SP140L: variants seen among roughly 807,000 people sequenced by gnomAD.
SP140L encodes nuclear body protein SP140-like protein.
Under a neutral mutation model 84.3 loss-of-function variants are expected in SP140L, and 64 were observed. That is an observed-to-expected ratio of 0.76 (90% CI 0.62 to 0.94). The LOEUF (loss-of-function observed/expected upper bound fraction) is 0.94, where lower values mean the gene tolerates loss of function less well. SP140L is among the 40% of genes least tolerant of loss of function. The pLI is 0.00. For missense variants in SP140L, 628 were observed against 692.5 expected (o/e 0.91, Z 1.05); for synonymous variants, 242 against 236.9 (o/e 1.02, Z -0.20).
intron 2 of SP140L, among the ~76,000 whole-genome samples, chr2:230,330,434 C>T (rs893478536): frequency 5.9e-5 from 9 of 152,114 alleles, no homozygotes; most frequent in South Asian, 2.1e-4. Flanking sequence ...TGACATCTGA[C>T]GAGGCAAAAT....
intron 2 of SP140L, among the ~76,000 whole-genome samples, chr2:230,352,772 C>A (rs533103310): frequency 1.7e-4 from 26 of 151,922 alleles, no homozygotes; most frequent in Non-Finnish European, 3.1e-4. Context: ...TAGCCTATCG[C>A]ATTAGCTAAA....
intron 7 of SP140L, among the ~76,000 whole-genome samples, chr2:230,375,487 G>A (rs2061214765): frequency 6.6e-6 from 1 of 151,940 alleles, no homozygotes; most frequent in African/African-American, 2.4e-5. Context: ...TTCTGTAATG[G>A]CTGTACCAAT....
chr2:230,351,525 T>C (rs115174636), intron 2 of SP140L, among the ~76,000 whole-genome samples: 5,209 of 152,348 alleles, frequency 0.034, 131 homozygotes, highest in Non-Finnish European at 0.048. Flanking sequence ...TACACTGTCT[T>C]TTATATCTGT....
intron 2 of SP140L, among the ~76,000 whole-genome samples, chr2:230,348,583 A>G (rs1242875962): frequency 6.6e-6 from 1 of 152,190 alleles, no homozygotes; most frequent in African/African-American, 2.4e-5. Flanking sequence ...CTTCTTATAG[A>G]GCTGTCAGAA....
At position 230,391,920 on chromosome 2, in the gene SP140L, C is replaced by G. The variant is rs746391890; in HGVS notation, c.965-167C>G. ...CACCAGGAAATATACTTAGAGGGGA[C>G]TTTCAGGCTGGATTTGGGGCCTCTG... On this transcript the variant is annotated intron_variant, in intron 11 of 18. Coordinates refer to ENST00000415673, the MANE Select transcript of SP140L (RefSeq NM_138402.6). 209 of 864,064 alleles carry G rather than the reference C, an allele frequency of 2.4e-4. 1 individual carries two copies. Among genetic ancestry groups the G allele is most frequent in the Non-Finnish European group, 2.8e-4 (157 of 564,722 alleles). The allele number at this position is 864,064 out of a possible 1,614,324, so 53.5% of individuals were successfully genotyped here. A position where few individuals can be genotyped will look rare whatever the true frequency, so the allele number is the denominator to read the frequency against.
intron 7 of SP140L, among the ~76,000 whole-genome samples, chr2:230,382,516 C>A (rs757414667): frequency 1.3e-5 from 2 of 152,132 alleles, no homozygotes; most frequent in Non-Finnish European, 2.9e-5. Flanking sequence ...TCCTAATTGT[C>A]TCTTTTCTCA....
rs180886212 is a variant in SP140L at position 230,342,746 on chromosome 2, G to T, written c.107+13915G>T. On this transcript the variant is annotated intron_variant, in intron 2 of 18. Coordinates refer to ENST00000415673, the MANE Select transcript of SP140L (RefSeq NM_138402.6). ...TGTGTTATTAGTTGTAATCTTTCCTGTCTCATTTATAAGTTTTAAGTTCTG... is the reference window on the plus strand; with the variant it reads ...TGTGTTATTAGTTGTAATCTTTCCTTTCTCATTTATAAGTTTTAAGTTCTG... Among the ~76,000 whole-genome samples the T allele has an allele frequency of 2.0e-3, 297 of 152,206 alleles. 2 individuals carry two copies. Among genetic ancestry groups the T allele is most frequent in the Middle Eastern group, 3.4e-3 (1 of 294 alleles).
At chr2:230,367,295 C>CTTTTTT (rs200306286) in intron 5 of SP140L, among the ~76,000 whole-genome samples, 8 of 118,052 alleles carry the variant, frequency 6.8e-5, no homozygotes, top group African/African-American at 2.6e-4. Flanking sequence ...TCTTTTTTTT[C>CTTTTTT]TTTTTTTTTT....
chr2:230,388,829 A>C, intron 10 of SP140L, 196 bp downstream of exon 10: 1 of 499,456 alleles, frequency 2.0e-6, no homozygotes. Flanking sequence ...TGGATCTACA[A>C]CCAGACCCTG....
At position 230,379,297 on chromosome 2, in the gene SP140L, C is replaced by G. The variant is rs181137493; in HGVS notation, c.638-4213C>G. 4.3e-3 allele frequency among the ~76,000 whole-genome samples: 657 copies of G among 151,968 alleles called. 1 individual carries two copies. Among genetic ancestry groups the G allele is most frequent in the Non-Finnish European group, 6.6e-3 (447 of 67,918 alleles). On this transcript the variant is annotated intron_variant, in intron 7 of 18. Coordinates refer to ENST00000415673, the MANE Select transcript of SP140L (RefSeq NM_138402.6). ...TTAATTTGTGTTTTTTTGTGTGTCT[C>G]TTTCCTGATTTCTGATGGATTGATA...
Position 230,361,711 on chromosome 2 carries a change from A to G in SP140L, c.523+14A>G, listed in dbSNP as rs547735234. The G allele has an allele frequency of 6.5e-7, 1 of 1,546,164 alleles. No individual in the cohort carries two copies. Among genetic ancestry groups the G allele is most frequent in the Non-Finnish European group, 8.8e-7 (1 of 1,140,770 alleles). ...GTCTTAAACAAGGTAAAAATGACAG[A>G]ATAAAAACGGTTTCTCATCCGCTAA... On this transcript the variant is annotated intron_variant, in intron 5 of 18. Coordinates refer to ENST00000415673, the MANE Select transcript of SP140L (RefSeq NM_138402.6).
At chr2:230,370,042 G>A (rs186401379) in intron 5 of SP140L, among the ~76,000 whole-genome samples, 1 of 152,166 alleles carries the variant, frequency 6.6e-6, no homozygotes, top group Non-Finnish European at 1.5e-5. Context: ...AAAGTGCTGG[G>A]ATTACAGGCA....
At chr2:230,398,492 A>G (rs1339703938) in intron 14 of SP140L, among the ~76,000 whole-genome samples, 2 of 152,272 alleles carry the variant, frequency 1.3e-5, no homozygotes, top group African/African-American at 2.4e-5. Flanking sequence ...ATTTGCTACA[A>G]GAACCACCAC....
chr2:230,330,921 C>A (rs2059708459), intron 2 of SP140L, among the ~76,000 whole-genome samples: 1 of 152,164 alleles, frequency 6.6e-6, no homozygotes, highest in South Asian at 2.1e-4. Flanking sequence ...CTTTATCCAG[C>A]GTATCCACAA....
Position 230,327,293 on chromosome 2 carries a change from G to A in SP140L, c.24G>A (p.Leu8=), listed in dbSNP as rs753651744. 4 of 1,611,724 alleles carry A rather than the reference G, an allele frequency of 2.5e-6. No individual in the cohort carries two copies. The highest frequency in any genetic ancestry group is 3.4e-6 in the Non-Finnish European group (4 of 1,178,968). The change falls in exon 1 of 19, where the codon CTG becomes CTA. Residue 8 remains leucine (L), a synonymous_variant. Coordinates refer to ENST00000415673, the MANE Select transcript of SP140L (RefSeq NM_138402.6). The stretch of plus-strand genomic sequence containing the variant: ...CGATGGCAGGTGGGGGCAGCGACCT[G>A]AGCACCAGGTGAGTCTTTATCTCTC... The part of the protein sequence containing the change: MAGGGSD[L]STRGLNGGVS...
At chr2:230,365,851 T>C (rs2060851312) in intron 5 of SP140L, among the ~76,000 whole-genome samples, 1 of 152,092 alleles carries the variant, frequency 6.6e-6, no homozygotes, top group Non-Finnish European at 1.5e-5. Context: ...TGTCTCAATA[T>C]TTTTTTAAAT....
In SP140L at chr2:230,349,029, C is replaced by T. The variant is rs142334697; in HGVS notation, c.108-8776C>T. ...CCAGCCCTGCTCTTACATTTAGATC[C>T]ATGATCCATTTTTAGTTGATTCATG... On this transcript the variant is annotated intron_variant, in intron 2 of 18. Transcript: ENST00000415673. Among the ~76,000 whole-genome samples the T allele has an allele frequency of 4.1e-4, 62 of 152,342 alleles. No homozygotes were observed. The East Asian group carries it at 7.7e-3, about 19-fold the overall frequency.
At chr2:230,400,270 C>A (rs1204121450) in intron 15 of SP140L, 28 bp downstream of exon 15, 2 of 1,609,424 alleles carry the variant, frequency 1.2e-6, no homozygotes, top group Middle Eastern at 1.7e-4. Flanking sequence ...ACCTCTCTTT[C>A]ATCCTTTAAG....
intron 2 of SP140L, among the ~76,000 whole-genome samples, chr2:230,349,183 T>C (rs1230186189): frequency 6.6e-6 from 1 of 152,258 alleles, no homozygotes; most frequent in Admixed American, 6.5e-5. Context: ...GAAAATCAAT[T>C]GCTGAAACCA....
Sources: allele counts gnomAD v4.1 joint callset (sites outside exome capture counted in the v4.1 genomes callset), GRCh38; gene constraint gnomAD v4.1.1; transcripts MANE v1.5; gene names NCBI Gene and HGNC (gene_info 2026-07-23, HGNC 2026-07-21).